FUT8: variants seen among roughly 807,000 people sequenced by gnomAD.
The protein encoded by FUT8 is fucosyltransferase 8.
Under a neutral mutation model 71.3 loss-of-function variants are expected in FUT8, and 29 were observed. The observed-to-expected ratio is 0.41, with a 90% confidence interval of 0.30 to 0.55. The LOEUF (loss-of-function observed/expected upper bound fraction) is 0.55, where lower values mean the gene tolerates loss of function less well. Ranked by LOEUF, FUT8 falls within the 20% of genes least tolerant of loss-of-function variation. The pLI is 0.34. For synonymous variants in FUT8, 254 were observed against 239.3 expected (o/e 1.06, Z -0.57); for missense variants, 544 against 702.1 (o/e 0.77, Z 2.55).
chr14:65,604,661 A>G (rs1594808413), intron 3 of FUT8, among the ~76,000 whole-genome samples: 4 of 152,052 alleles, frequency 2.6e-5, no homozygotes, highest in Admixed American at 2.6e-4. Flanking sequence ...AAAGAGCACA[A>G]GTAGACAATC....
chr14:65,439,954 G>GTATATATATATATATATATA (rs60534547), intron 1 of FUT8, among the ~76,000 whole-genome samples: 5 of 74,966 alleles, frequency 6.7e-5, no homozygotes, highest in African/African-American at 1.0e-4. Flanking sequence ...GTGTGTGTGT[G>GTATATATATATATATATATA]TATATATATA....
intron 7 of FUT8, among the ~76,000 whole-genome samples, chr14:65,692,508 A>AC (rs375551950): frequency 1.5e-4 from 2 of 13,778 alleles, no homozygotes; most frequent in African/African-American, 7.9e-4. Context: ...CGGGGGGCTG[A>AC]CCCCCCCCCC....
intron 3 of FUT8, among the ~76,000 whole-genome samples, chr14:65,605,565 G>T (rs757605898): frequency 1.8e-4 from 27 of 151,986 alleles, no homozygotes; most frequent in Non-Finnish European, 3.2e-4. Flanking sequence ...TTGAGAAGAG[G>T]CAGACTTCTG....
upstream of FUT8, chr14:65,411,271 CTACTT>C (rs572722053): frequency 1.1e-3 from 171 of 151,076 alleles, no homozygotes; most frequent in African/African-American, 3.8e-3. Flanking sequence ...ACAAGTCACT[CTACTT>C]TCCTTTCAAT....
chr14:65,486,208 C>G (rs1435829685), intron 2 of FUT8, among the ~76,000 whole-genome samples: 1 of 152,104 alleles, frequency 6.6e-6, no homozygotes, highest in East Asian at 1.9e-4. Flanking sequence ...TAAAAAATCC[C>G]CCCAATTATT....
At chr14:65,642,500 G>A (rs1890887072) in intron 6 of FUT8, among the ~76,000 whole-genome samples, 1 of 151,682 alleles carries the variant, frequency 6.6e-6, no homozygotes, top group Non-Finnish European at 1.5e-5. Flanking sequence ...CTACTTGGGA[G>A]GCTGAGGCAG....
At chr14:65,567,004 A>G (rs1886231803) in intron 3 of FUT8, among the ~76,000 whole-genome samples, 1 of 151,920 alleles carries the variant, frequency 6.6e-6, no homozygotes, top group Admixed American at 6.6e-5. Flanking sequence ...TGAGCAGTGA[A>G]CCTCAACCTG....
At chr14:65,718,093 C>T (rs1256901198) in intron 7 of FUT8, among the ~76,000 whole-genome samples, 2 of 152,044 alleles carry the variant, frequency 1.3e-5, no homozygotes, top group African/African-American at 2.4e-5. Flanking sequence ...AGATCTTACT[C>T]CTGCCATTTT....
rs548580697 is a variant in FUT8, at chr14:65,491,344, A to G, written c.-228+35626A>G. Among the ~76,000 whole-genome samples the G allele has an allele frequency of 3.3e-5, 5 of 152,298 alleles. No homozygotes were observed. In the South Asian group the frequency reaches 1.0e-3, roughly 32 times the overall value. ...TATAGGTCATTCTAAATATGAGCTCAGTAATGACAATAGGTAGCAAGTTAA... is the reference window on the plus strand; with the variant it reads ...TATAGGTCATTCTAAATATGAGCTCGGTAATGACAATAGGTAGCAAGTTAA... On this transcript the variant is annotated intron_variant, in intron 2 of 10. Coordinates refer to ENST00000673929, the MANE Select transcript of FUT8 (RefSeq NM_001371533.1).
intron 2 of FUT8, among the ~76,000 whole-genome samples, chr14:65,528,628 C>T (rs541549746): frequency 6.6e-6 from 1 of 152,292 alleles, no homozygotes; most frequent in South Asian, 2.1e-4. Context: ...AATCACCTGT[C>T]TTCTGCGTCG....
chr14:65,573,136 G>A (rs1174115590), intron 3 of FUT8, among the ~76,000 whole-genome samples: 1 of 152,086 alleles, frequency 6.6e-6, no homozygotes, highest in African/African-American at 2.4e-5. Flanking sequence ...TAGAGCTGTA[G>A]AAATTTATTC....
At chr14:65,681,842 G>A (rs921810106) in intron 7 of FUT8, among the ~76,000 whole-genome samples, 6 of 152,280 alleles carry the variant, frequency 3.9e-5, no homozygotes, top group African/African-American at 1.4e-4. Flanking sequence ...ATATAGGTAA[G>A]TAACTTGCCA....
the FUT8 span, among the ~76,000 whole-genome samples, chr14:65,395,865 T>G: frequency 3.3e-5 from 5 of 152,278 alleles, no homozygotes; most frequent in South Asian, 2.1e-4. Flanking sequence ...ATGCTCTGTT[T>G]CCCTTTTAAA....
chr14:65,410,503 T>C (rs898146640), upstream of FUT8: 24 of 152,110 alleles, frequency 1.6e-4, no homozygotes, highest in Admixed American at 1.2e-3. Context: ...CCAAAGTTAT[T>C]TGTTATTTTA....
intron 7 of FUT8, among the ~76,000 whole-genome samples, chr14:65,684,455 C>A (rs1305299620): frequency 6.6e-6 from 1 of 152,194 alleles, no homozygotes; most frequent in African/African-American, 2.4e-5. Context: ...AAAGAATAGT[C>A]TGAACCCTCT....
At chr14:65,649,940 T>G (rs1891284299) in intron 6 of FUT8, among the ~76,000 whole-genome samples, 1 of 152,208 alleles carries the variant, frequency 6.6e-6, no homozygotes, top group African/African-American at 2.4e-5. Flanking sequence ...GGCTTCTATT[T>G]CTGGATAAGA....
chr14:65,531,435 T>C (rs1883949155), intron 2 of FUT8, among the ~76,000 whole-genome samples: 1 of 152,012 alleles, frequency 6.6e-6, no homozygotes, highest in South Asian at 2.1e-4. Context: ...GATTTAGGTG[T>C]TGTGTGCCCA....
chr14:65,415,570 A>G (rs1230298995), intron 1 of FUT8, among the ~76,000 whole-genome samples: 1 of 152,100 alleles, frequency 6.6e-6, no homozygotes, highest in Non-Finnish European at 1.5e-5. Context: ...TTTTGTTTTT[A>G]TAATAGCTAC....
rs2066457909 is a variant in FUT8, at chr14:65,489,788, C to G, written c.-228+34070C>G. Among the ~76,000 whole-genome samples, 1 of 152,112 alleles carries G rather than the reference C, an allele frequency of 6.6e-6. No homozygotes were observed. The highest frequency in any genetic ancestry group is 2.1e-4 in the South Asian group (1 of 4,828). On this transcript the variant is annotated intron_variant, in intron 2 of 10. Transcript: ENST00000673929. The surrounding 1 kb of genome is among the most constrained non-coding windows in gnomAD (Gnocchi z 4.0). Reference sequence around the variant, plus strand: ...ACACACGTGTCATGTGGGTCATAGACTTGTTTCATAGTAAAACAGATGGCA... The same window carrying G: ...ACACACGTGTCATGTGGGTCATAGAGTTGTTTCATAGTAAAACAGATGGCA...
Sources: allele counts gnomAD v4.1 joint callset (sites outside exome capture counted in the v4.1 genomes callset), GRCh38; gene constraint gnomAD v4.1.1; non-coding constraint Gnocchi (gnomAD v3.1); transcripts MANE v1.5; gene names NCBI Gene and HGNC (gene_info 2026-07-23, HGNC 2026-07-21).